RAB27B: variants seen among roughly 807,000 people sequenced by gnomAD.
RAB27B encodes the protein ras-related protein Rab-27B.
A neutral mutation model predicts 24.6 loss-of-function variants in RAB27B; 15 were observed. That is an observed-to-expected ratio of 0.61 (90% CI 0.41 to 0.94). The LOEUF is 0.94. RAB27B is among the 40% of genes least tolerant of loss of function. RAB27B has a pLI of 0.00. For synonymous variants in RAB27B, 105 were observed against 92.5 expected (o/e 1.14, Z -0.78); for missense variants, 261 against 266.8 (o/e 0.98, Z 0.15).
At chr18:54,722,590 T>C (rs1245271463) in intron 2 of RAB27B, among the ~76,000 whole-genome samples, 1 of 152,142 alleles carries the variant, frequency 6.6e-6, no homozygotes, top group Non-Finnish European at 1.5e-5. Flanking sequence ...AAGAGGCAAT[T>C]GATAAAGATC....
intron 2 of RAB27B, among the ~76,000 whole-genome samples, chr18:54,764,298 C>T (rs1290007027): frequency 6.6e-6 from 1 of 152,086 alleles, no homozygotes; most frequent in Admixed American, 6.6e-5. Flanking sequence ...ACTCTCATAT[C>T]CATATGGGTA....
intron 2 of RAB27B, among the ~76,000 whole-genome samples, chr18:54,773,973 C>T (rs371114605): frequency 1.3e-5 from 2 of 152,252 alleles, no homozygotes; most frequent in Non-Finnish European, 2.9e-5. Context: ...ACATCGCGCC[C>T]GGCTGAGACA....
upstream of RAB27B, among the ~76,000 whole-genome samples, chr18:54,826,586 G>A (rs972755818): frequency 9.9e-5 from 15 of 152,164 alleles, no homozygotes; most frequent in African/African-American, 3.6e-4. Context: ...GCCCTATAAA[G>A]CAGGTGACAC....
At chr18:54,818,306 G>T (rs1568078858) in intron 2 of RAB27B, among the ~76,000 whole-genome samples, 1 of 147,816 alleles carries the variant, frequency 6.8e-6, no homozygotes, top group Non-Finnish European at 1.5e-5. Context: ...ACAATTACAA[G>T]CCCTCCCAGC....
intron 2 of RAB27B, among the ~76,000 whole-genome samples, chr18:54,789,627 G>T (rs1034700853): frequency 2.0e-5 from 3 of 151,292 alleles, no homozygotes; most frequent in Admixed American, 2.0e-4. Flanking sequence ...ATTTGAACTT[G>T]GTAAGATGTT....
chr18:54,790,460 G>C (rs1909214523), intron 2 of RAB27B, among the ~76,000 whole-genome samples: 1 of 152,120 alleles, frequency 6.6e-6, no homozygotes, highest in Admixed American at 6.5e-5. Flanking sequence ...AAAGTTATCA[G>C]TGATTTAATC....
At chr18:54,856,147 G>T (rs551425780) in intron 1 of RAB27B, among the ~76,000 whole-genome samples, 48 of 152,306 alleles carry the variant, frequency 3.2e-4, no homozygotes, top group African/African-American at 1.2e-3. Flanking sequence ...GAAAATGAAT[G>T]GGAGCCTTCT....
intron 2 of RAB27B, among the ~76,000 whole-genome samples, chr18:54,781,700 AT>A (rs1568063700): frequency 6.6e-6 from 1 of 152,204 alleles, no homozygotes; most frequent in African/African-American, 2.4e-5. Context: ...ATGTTACTAC[AT>A]TTATAGCATT....
chr18:54,739,030 C>T (rs776058711), intron 2 of RAB27B, among the ~76,000 whole-genome samples: 9 of 152,184 alleles, frequency 5.9e-5, no homozygotes, highest in Admixed American at 1.3e-4. Flanking sequence ...TGTGGAATTA[C>T]ATATAAATGC....
rs1056941421 is a variant in RAB27B at position 54,889,620 on chromosome 18, A to G, written c.*207A>G. 10 of 462,438 alleles carry G rather than the reference A, an allele frequency of 2.2e-5. No individual in the cohort carries two copies. The highest frequency in any genetic ancestry group is 1.8e-4 in the African/African-American group (9 of 50,110). The allele number at this position is 462,438 out of a possible 1,614,324, so 28.6% of individuals were successfully genotyped here. On this transcript the variant is annotated 3_prime_UTR_variant, in exon 6 of 6. Coordinates refer to ENST00000262094, the MANE Select transcript of RAB27B (RefSeq NM_004163.4). ...CCTGAGGCCCTTTCAAACATGATCAAAGATTTCCCAATGTGATCTCATCAT... is the reference window on the plus strand; with the variant it reads ...CCTGAGGCCCTTTCAAACATGATCAGAGATTTCCCAATGTGATCTCATCAT...
In RAB27B at chr18:54,895,474, T is replaced by C. The variant is rs1269887624; in HGVS notation, c.*6061T>C. 2 of 152,114 alleles carry C rather than the reference T, an allele frequency of 1.3e-5. No individual in the cohort carries two copies. Among genetic ancestry groups the C allele is most frequent in the Non-Finnish European group, 2.9e-5 (2 of 68,020 alleles). 9.4% of individuals were successfully genotyped at this position (152,114 alleles called of 1,614,324 possible). A position where few individuals can be genotyped will look rare whatever the true frequency, so the allele number is the denominator to read the frequency against. ...GGTTGAGAATTGTATTCAGTGATTGTTTCTGCACACTTTTCAAATAAAAAA... is the reference window on the plus strand; with the variant it reads ...GGTTGAGAATTGTATTCAGTGATTGCTTCTGCACACTTTTCAAATAAAAAA... On this transcript the variant is annotated 3_prime_UTR_variant, in exon 6 of 6. Coordinates refer to ENST00000262094, the MANE Select transcript of RAB27B (RefSeq NM_004163.4).
At chr18:54,773,951 T>C (rs1249922032) in intron 2 of RAB27B, among the ~76,000 whole-genome samples, 2 of 152,172 alleles carry the variant, frequency 1.3e-5, no homozygotes, top group African/African-American at 4.8e-5. Context: ...GTGCTAGGAT[T>C]ACAGGCATGA....
chr18:54,865,274 T>TGTGTGTGTGTG (rs1912170804), intron 1 of RAB27B, among the ~76,000 whole-genome samples: 1 of 150,218 alleles, frequency 6.7e-6, no homozygotes, highest in Non-Finnish European at 1.5e-5. Flanking sequence ...TGTGTGTGTG[T>TGTGTGTGTGTG]CCTTTTTCTC....
intron 1 of RAB27B, among the ~76,000 whole-genome samples, 181 bp downstream of exon 1, chr18:54,828,881 TG>T (rs1229881002): frequency 6.6e-6 from 1 of 152,214 alleles, no homozygotes; most frequent in Non-Finnish European, 1.5e-5. Context: ...AGTAGTGCTG[TG>T]TGCTGCACGG....
intron 2 of RAB27B, among the ~76,000 whole-genome samples, chr18:54,743,248 A>G (rs1910125331): frequency 6.6e-6 from 1 of 152,218 alleles, no homozygotes; most frequent in African/African-American, 2.4e-5. Context: ...ATGTCACTAT[A>G]TTAACATAAC....
chr18:54,726,871 C>T (rs1909554476), intron 2 of RAB27B, among the ~76,000 whole-genome samples: 1 of 143,846 alleles, frequency 7.0e-6, no homozygotes, highest in Non-Finnish European at 1.6e-5. Context: ...ATGGGTTTTG[C>T]ATGTTGGCAA....
chr18:54,835,393 C>G (rs936206758), intron 1 of RAB27B, among the ~76,000 whole-genome samples: 2 of 151,950 alleles, frequency 1.3e-5, no homozygotes, highest in African/African-American at 4.8e-5. Context: ...GATATCACAG[C>G]TAACTGTATG....
At chr18:54,821,902 G>A (rs1910322716) in intron 2 of RAB27B, among the ~76,000 whole-genome samples, 1 of 152,030 alleles carries the variant, frequency 6.6e-6, no homozygotes, top group Admixed American at 6.6e-5. Context: ...TACAGGCATG[G>A]CCCCCATGCC....
chr18:54,808,519 T>A (rs141037913), intron 2 of RAB27B, among the ~76,000 whole-genome samples: 2 of 152,242 alleles, frequency 1.3e-5, no homozygotes, highest in Non-Finnish European at 2.9e-5. Context: ...TTGAGGAACA[T>A]TAGAAATCTC....
Sources: allele counts gnomAD v4.1 joint callset (sites outside exome capture counted in the v4.1 genomes callset), GRCh38; gene constraint gnomAD v4.1.1; transcripts MANE v1.5; gene names NCBI Gene and HGNC (gene_info 2026-07-23, HGNC 2026-07-21).